TENM3: variants seen among roughly 807,000 people sequenced by gnomAD.
TENM3 encodes teneurin transmembrane protein 3, also known as teneurin-3.
TENM3 carries 63 observed loss-of-function variants against 255.1 expected under a neutral mutation model. The ratio of observed to expected loss-of-function variants is 0.25; its 90% CI spans 0.20 to 0.30. TENM3 has a LOEUF of 0.30. Among genes scored for constraint, TENM3 ranks in the 10% least tolerant of loss-of-function variants. The pLI is 1.00. For synonymous variants in TENM3, 1,306 were observed against 1,322.3 expected, an observed-to-expected ratio of 0.99 and a Z score of 0.27; for missense variants, 2,929 against 3,461.1, an observed-to-expected ratio of 0.85 and a Z score of 3.86.
intron 5 of TENM3, among the ~76,000 whole-genome samples, chr4:182,635,943 A>G (rs1751806220): frequency 6.6e-6 from 1 of 152,212 alleles, no homozygotes; most frequent in Non-Finnish European, 1.5e-5. Context: ...TTTATGCTTC[A>G]TGAAAAATCA....
At chr4:181,529,552 C>T in the TENM3 span, among the ~76,000 whole-genome samples, 2 of 152,130 alleles carry the variant, frequency 1.3e-5, no homozygotes, top group African/African-American at 2.4e-5. Context: ...ACTACAATCA[C>T]GTGGGGTGGG....
intron 18 of TENM3, among the ~76,000 whole-genome samples, 170 bp downstream of exon 18, chr4:182,738,714 T>C (rs1761367379): frequency 6.6e-6 from 1 of 152,232 alleles, no homozygotes; most frequent in Non-Finnish European, 1.5e-5. Context: ...TATAAAAGCC[T>C]AAAGTGGGAA....
intron 1 of TENM3, among the ~76,000 whole-genome samples, chr4:182,222,700 C>T (rs1755915388): frequency 2.0e-5 from 3 of 152,226 alleles, no homozygotes; most frequent in Admixed American, 2.0e-4. Context: ...AACCTCTCTT[C>T]TTTCTGCTTT....
At chr4:182,197,277 A>G (rs1397869530) in intron 1 of TENM3, among the ~76,000 whole-genome samples, 2 of 152,320 alleles carry the variant, frequency 1.3e-5, no homozygotes, top group East Asian at 3.9e-4. Flanking sequence ...GCTTGGGGTT[A>G]ATACCCTTGC....
the TENM3 span, among the ~76,000 whole-genome samples, chr4:181,934,094 C>T: frequency 6.6e-6 from 1 of 151,398 alleles, no homozygotes; most frequent in African/African-American, 2.4e-5. Flanking sequence ...TTTTAAATCA[C>T]ACTTAAACAT....
chr4:182,100,482 C>CACACACACACAT, the TENM3 span, among the ~76,000 whole-genome samples: 3 of 121,336 alleles, frequency 2.5e-5, 1 homozygote, highest in Admixed American at 2.5e-4. Context: ...CACACACACA[C>CACACACACACAT]ATATATATAT....
At chr4:181,751,685 T>C in the TENM3 span, among the ~76,000 whole-genome samples, 2 of 152,250 alleles carry the variant, frequency 1.3e-5, no homozygotes, top group Admixed American at 1.3e-4. Flanking sequence ...GAACCAACAG[T>C]CATTGCTACA....
the TENM3 span, among the ~76,000 whole-genome samples, chr4:181,910,588 T>TTG: frequency 8.3e-3 from 518 of 62,096 alleles, 1 homozygote; most frequent in African/African-American, 0.015. Flanking sequence ...ACATATGTAT[T>TTG]TGTATATATA....
In TENM3 at chr4:182,423,554, C is replaced by G. The variant is rs1257560486; in HGVS notation, c.511+76625C>G. 2.6e-5 allele frequency among the ~76,000 whole-genome samples: 4 copies of G among 151,996 alleles called. 1 individual carries two copies. Among genetic ancestry groups the G allele is most frequent in the Admixed American group, 2.6e-4 (4 of 15,272 alleles). On this transcript the variant is annotated intron_variant, in intron 3 of 27. Transcript: ENST00000511685. ...CAATGACTTTTAGTCAACAAAGAAA[C>G]TAAAAGTTAGAAATGAGCACTAGAT...
At chr4:182,670,117 G>A (rs977871134) in intron 6 of TENM3, among the ~76,000 whole-genome samples, 6 of 152,036 alleles carry the variant, frequency 3.9e-5, no homozygotes, top group African/African-American at 1.5e-4. Context: ...CTGGGTGGTA[G>A]CATTATACAT....
chr4:182,714,989 A>G (rs936712938), intron 13 of TENM3, among the ~76,000 whole-genome samples: 1 of 152,146 alleles, frequency 6.6e-6, no homozygotes, highest in Non-Finnish European at 1.5e-5. Flanking sequence ...GGTTCAAGTG[A>G]TTCTCCTGCC....
chr4:182,078,417 G>A, the TENM3 span, among the ~76,000 whole-genome samples: 1 of 152,164 alleles, frequency 6.6e-6, no homozygotes, highest in African/African-American at 2.4e-5. Context: ...AGCTACTTGG[G>A]AGGCTGAGGC....
the TENM3 span, among the ~76,000 whole-genome samples, chr4:181,745,926 G>A: frequency 6.6e-6 from 1 of 152,192 alleles, no homozygotes; most frequent in African/African-American, 2.4e-5. Flanking sequence ...AGTTGACAGA[G>A]AATTGGATTT....
At chr4:182,279,683 T>C (rs1003658783) in intron 1 of TENM3, among the ~76,000 whole-genome samples, 2 of 152,230 alleles carry the variant, frequency 1.3e-5, no homozygotes, top group Non-Finnish European at 2.9e-5. Flanking sequence ...TTATCTTTTT[T>C]AGATTCTTCT....
chr4:181,955,966 G>T, the TENM3 span, among the ~76,000 whole-genome samples: 1 of 152,200 alleles, frequency 6.6e-6, no homozygotes, highest in Non-Finnish European at 1.5e-5. Flanking sequence ...AGCACTTGGT[G>T]TCTTAGTCTG....
chr4:182,426,051 G>A (rs1461431902), intron 3 of TENM3, among the ~76,000 whole-genome samples: 2 of 140,570 alleles, frequency 1.4e-5, no homozygotes, highest in African/African-American at 5.5e-5. Flanking sequence ...AGAAATTGGA[G>A]GTATTAGAAT....
chr4:181,450,472 G>T, the TENM3 span, among the ~76,000 whole-genome samples: 386 of 152,216 alleles, frequency 2.5e-3, 2 homozygotes, highest in African/African-American at 9.1e-3. Context: ...ATGAAAAAGG[G>T]CATCTGCTCC....
chr4:182,233,359 G>A (rs1468035100), intron 1 of TENM3, among the ~76,000 whole-genome samples: 2 of 152,220 alleles, frequency 1.3e-5, no homozygotes, highest in Non-Finnish European at 2.9e-5. Context: ...CACCCTGTGT[G>A]CATTAGGGGT....
the TENM3 span, among the ~76,000 whole-genome samples, chr4:181,909,461 T>A: frequency 2.0e-5 from 3 of 152,088 alleles, no homozygotes; most frequent in East Asian, 5.8e-4. Context: ...TAGCTCACCT[T>A]GGGCAAATCA....
Sources: gnomAD v4.1 joint callset for allele counts (sites outside exome capture counted in the v4.1 genomes callset) on GRCh38, gnomAD v4.1.1 for gene constraint, MANE v1.5 for transcripts, NCBI Gene and HGNC (gene_info 2026-07-23, HGNC 2026-07-21) for gene names.